Variants in LCOR observed in about 807,000 individuals in gnomAD.
The protein encoded by LCOR is ligand dependent nuclear receptor corepressor.
A neutral mutation model predicts 64.4 loss-of-function variants in LCOR; 14 were observed. The observed-to-expected ratio is 0.22, with a 90% CI of 0.14 to 0.34. The LOEUF is 0.34. LCOR is among the 10% of genes least tolerant of loss of function. The pLI is 1.00. For synonymous variants in LCOR, 643 were observed against 642.5 expected (o/e 1.00, Z -0.01); for missense variants, 1,686 against 1,765.3 (o/e 0.96, Z 0.80).
intron 4 of LCOR, among the ~76,000 whole-genome samples, chr10:96,920,778 A>G (rs1847064552): frequency 8.0e-6 from 1 of 125,432 alleles, no homozygotes; most frequent in South Asian, 2.4e-4. Flanking sequence ...ACACACACAC[A>G]CACACACACA....
chr10:96,833,355 G>T, intron 1 of LCOR, 51 bp from the exon 2 acceptor site: 2 of 976,600 alleles, frequency 2.0e-6, no homozygotes, highest in Non-Finnish European at 2.4e-6. Context: ...GGGCCGGGCG[G>T]CCGAGCTGCG....
chr10:96,944,814 C>T (rs1564633989), intron 5 of LCOR, among the ~76,000 whole-genome samples: 1 of 152,018 alleles, frequency 6.6e-6, no homozygotes, highest in East Asian at 1.9e-4. Flanking sequence ...TAAAATTTAT[C>T]TTTTTCCTTG....
At chr10:96,936,367 G>A (rs1197282587) in intron 4 of LCOR, among the ~76,000 whole-genome samples, 1 of 152,174 alleles carries the variant, frequency 6.6e-6, no homozygotes, top group Non-Finnish European at 1.5e-5. Flanking sequence ...AAAGCAGGCA[G>A]AAAGAGAGAA....
At chr10:96,896,335 TG>T (rs1051231110) in intron 2 of LCOR, among the ~76,000 whole-genome samples, 6 of 152,282 alleles carry the variant, frequency 3.9e-5, no homozygotes, top group Admixed American at 6.5e-5. Flanking sequence ...TTGTGAGGAA[TG>T]GGGGAAAATA....
intron 7 of LCOR, chr10:96,957,273 T>C (rs1847799737): frequency 7.1e-6 from 7 of 985,196 alleles, no homozygotes; most frequent in African/African-American, 1.7e-5. Flanking sequence ...TTAGCTGATA[T>C]TCATGGTTGT....
Position 96,983,612 on chromosome 10 carries a change from C to T in LCOR, c.3152C>T (p.Ser1051Phe), listed in dbSNP as rs866907581. Reference protein sequence around the residue: ...YNLRHAHSLGSLDASKVTSEK... With the variant: ...YNLRHAHSLGFLDASKVTSEK... Reference sequence around the variant, plus strand: ...CTAAGACACGCTCATTCTCTGGGCTCCTTGGATGCTTCAAAAGTGACTTCA... The same window carrying T: ...CTAAGACACGCTCATTCTCTGGGCTTCTTGGATGCTTCAAAAGTGACTTCA... The change falls in exon 8 of 8, where the codon TCC becomes TTC. Residue 1051 changes from serine to phenylalanine, a missense_variant. Physicochemically the swap from Ser to Phe is radical, Grantham distance 155. Transcript: ENST00000421806. The surrounding 1 kb of genome is among the most constrained non-coding windows in gnomAD (Gnocchi z 4.5). 2 of 1,614,062 alleles carry T rather than the reference C, an allele frequency of 1.2e-6. No individual in the cohort carries two copies. The highest frequency in any genetic ancestry group is 2.7e-5 in the African/African-American group (2 of 74,910).
In LCOR at chr10:96,980,823, T is replaced by C; in HGVS notation, c.363T>C (p.Asp121=). 1.4e-6 allele frequency: 1 copy of C among 702,844 alleles called. No individual in the cohort carries two copies. The highest frequency in any genetic ancestry group is 2.6e-6 in the Non-Finnish European group (1 of 384,894). 43.5% of individuals were successfully genotyped at this position (702,844 alleles called of 1,614,324 possible). Residue 121 remains aspartate (D), a synonymous_variant, in exon 8 of 8, where the codon GAT becomes GAC. Coordinates refer to ENST00000421806, the MANE Select transcript of LCOR (RefSeq NM_001346516.2). The stretch of plus-strand genomic sequence containing the variant: ...ACTCAACAGAGGCAAAAGCAGTAGA[T>C]TCTAACAATCAGTCGAAGTCCCCAC... The part of the protein sequence containing the change: ...GENSTEAKAV[D]SNNQSKSPLE...
At chr10:96,880,608 G>T (rs1418212961) in intron 2 of LCOR, among the ~76,000 whole-genome samples, 1 of 152,178 alleles carries the variant, frequency 6.6e-6, no homozygotes, top group Non-Finnish European at 1.5e-5. Context: ...CTGTTGGCCA[G>T]ACTGGTCACA....
intron 2 of LCOR, among the ~76,000 whole-genome samples, chr10:96,841,820 G>A (rs865912412): frequency 2.0e-5 from 3 of 151,348 alleles, no homozygotes; most frequent in South Asian, 4.2e-4. Flanking sequence ...GGCTGGTCTC[G>A]AGCTCCTGGA....
At position 96,880,313 on chromosome 10, in the gene LCOR, C is replaced by T. The variant is rs1028256728; in HGVS notation, c.-329-26952C>T. Among the ~76,000 whole-genome samples, 3 of 152,282 alleles carry T rather than the reference C, an allele frequency of 2.0e-5. No homozygotes were observed. In the East Asian group the frequency reaches 5.8e-4, roughly 29 times the overall value. The stretch of plus-strand genomic sequence containing the variant: ...CTGGAGGGCATAGTGAGACTACAAA[C>T]GTGATGATAATGGTGGCCTTCTAGC... On this transcript the variant is annotated intron_variant, in intron 2 of 7. Transcript: ENST00000421806.
At chr10:96,893,725 T>C (rs1846487571) in intron 2 of LCOR, among the ~76,000 whole-genome samples, 1 of 144,990 alleles carries the variant, frequency 6.9e-6, no homozygotes, top group Admixed American at 7.0e-5. Context: ...ATCGCGCCAC[T>C]ACACTCCAGC....
chr10:96,891,097 G>C (rs1452303581), intron 2 of LCOR, among the ~76,000 whole-genome samples: 1 of 152,038 alleles, frequency 6.6e-6, no homozygotes, highest in African/African-American at 2.4e-5. Context: ...AAGAGTTGAA[G>C]GAAGGATTGG....
intron 7 of LCOR, among the ~76,000 whole-genome samples, chr10:96,953,839 T>C (rs572743694): frequency 1.3e-4 from 20 of 152,364 alleles, no homozygotes; most frequent in East Asian, 3.9e-4. Flanking sequence ...GTAGTCCCCA[T>C]AGAGTTTTGT....
At chr10:96,851,873 C>G (rs1192613191) in intron 2 of LCOR, among the ~76,000 whole-genome samples, 5 of 152,122 alleles carry the variant, frequency 3.3e-5, no homozygotes, top group Non-Finnish European at 7.4e-5. Context: ...TTAGTTACCC[C>G]AAACACATTA....
intron 2 of LCOR, among the ~76,000 whole-genome samples, chr10:96,874,728 C>T (rs907441426): frequency 2.0e-5 from 3 of 151,712 alleles, no homozygotes; most frequent in African/African-American, 7.3e-5. Context: ...ACCTTTGCCT[C>T]CTGGGCTCAG....
intron 4 of LCOR, among the ~76,000 whole-genome samples, chr10:96,937,936 A>C (rs1222290476): frequency 1.3e-5 from 2 of 152,108 alleles, no homozygotes; most frequent in Admixed American, 1.3e-4. Flanking sequence ...AAGTTGGTTT[A>C]ACTATTTATT....
chr10:96,964,976 T>G (rs1847933259), intron 7 of LCOR, among the ~76,000 whole-genome samples: 1 of 152,036 alleles, frequency 6.6e-6, no homozygotes, highest in Admixed American at 6.6e-5. Context: ...CCAGAACACA[T>G]AAAGAACAGA....
intron 4 of LCOR, among the ~76,000 whole-genome samples, chr10:96,921,323 A>G (rs976891712): frequency 1.3e-5 from 2 of 152,112 alleles, no homozygotes; most frequent in Admixed American, 1.3e-4. Context: ...TGCCAGATCC[A>G]GTGTCGTGAA....
At chr10:96,926,656 G>C (rs2134482220) in intron 4 of LCOR, among the ~76,000 whole-genome samples, 1 of 152,192 alleles carries the variant, frequency 6.6e-6, no homozygotes, top group African/African-American at 2.4e-5. Flanking sequence ...CATAGTGAGA[G>C]ACACAGGACA....
Sources: allele counts gnomAD v4.1 joint callset (sites outside exome capture counted in the v4.1 genomes callset), GRCh38; gene constraint gnomAD v4.1.1; non-coding constraint Gnocchi (gnomAD v3.1); transcripts MANE v1.5; gene names NCBI Gene and HGNC (gene_info 2026-07-23, HGNC 2026-07-21).